PCSK6: variants seen among roughly 807,000 people sequenced by gnomAD.
PCSK6 encodes the protein proprotein convertase subtilisin/kexin type 6, also known as paired basic amino acid cleaving enzyme 4.
PCSK6 carries 85 observed loss-of-function variants against 123.3 expected under a neutral mutation model. That is an observed-to-expected ratio of 0.69 (90% CI 0.58 to 0.83). The LOEUF is 0.83. PCSK6 is among the 40% of genes least tolerant of loss of function. The pLI is 0.00. For missense variants in PCSK6, 1,191 were observed against 1,282.3 expected (o/e 0.93, Z 1.09); for synonymous variants, 508 against 516.0 (o/e 0.98, Z 0.21).
At chr15:101,400,573 G>A (rs1482825916) in intron 6 of PCSK6, among the ~76,000 whole-genome samples, 1 of 152,232 alleles carries the variant, frequency 6.6e-6, no homozygotes, top group Non-Finnish European at 1.5e-5. Flanking sequence ...AGAGCAACAG[G>A]AAGGAGACCC....
At chr15:101,450,676 G>A (rs905846066) in intron 1 of PCSK6, among the ~76,000 whole-genome samples, 8 of 152,202 alleles carry the variant, frequency 5.3e-5, no homozygotes, top group African/African-American at 1.2e-4. Flanking sequence ...TCTGTGTCCA[G>A]CTGTCCAGTG....
rs1488043120 is a variant in PCSK6 at position 101,304,948 on chromosome 15, C to G, written c.*310G>C. The G allele has an allele frequency of 2.5e-5, 8 of 316,986 alleles. No homozygotes were observed. Among genetic ancestry groups the G allele is most frequent in the Middle Eastern group, 9.2e-4 (1 of 1,084 alleles). The allele number at this position is 316,986 out of a possible 1,614,324, so 19.6% of individuals were successfully genotyped here. A position where few individuals can be genotyped will look rare whatever the true frequency, so the allele number is the denominator to read the frequency against. On this transcript the variant is annotated 3_prime_UTR_variant, in exon 22 of 22. Transcript: ENST00000611716. ...CTTTTCTGCTTTGGTCTTGAAGATT[C>G]AGTAAACTTATGGTCCCAGAAGCTG...
At chr15:101,369,107 C>T (rs534586142) in intron 12 of PCSK6, among the ~76,000 whole-genome samples, 8 of 152,224 alleles carry the variant, frequency 5.3e-5, no homozygotes, top group African/African-American at 7.2e-5. Flanking sequence ...TCCAGTGCAC[C>T]GAGGACAAAG....
chr15:101,376,967 AAGGT>A (rs1323569037), intron 11 of PCSK6, among the ~76,000 whole-genome samples: 1 of 152,232 alleles, frequency 6.6e-6, no homozygotes, highest in Admixed American at 6.5e-5. Flanking sequence ...GAGGCTGGGT[AAGGT>A]GAGGAGGGGA....
At chr15:101,473,001 T>C (rs148750351) in intron 1 of PCSK6, among the ~76,000 whole-genome samples, 363 of 152,340 alleles carry the variant, frequency 2.4e-3, no homozygotes, top group African/African-American at 8.4e-3. Flanking sequence ...AATGTGAGCC[T>C]TGTATTGACA....
intron 1 of PCSK6, among the ~76,000 whole-genome samples, chr15:101,485,020 T>C (rs1188479055): frequency 6.6e-6 from 1 of 152,194 alleles, no homozygotes; most frequent in Non-Finnish European, 1.5e-5. Flanking sequence ...ATCGCCAAAT[T>C]GCTCTCCAAA....
intron 13 of PCSK6, among the ~76,000 whole-genome samples, chr15:101,353,078 C>T (rs2040940460): frequency 6.6e-6 from 1 of 152,276 alleles, no homozygotes; most frequent in South Asian, 2.1e-4. Context: ...TCATTGTGTA[C>T]TTTATTTCTA....
intron 13 of PCSK6, among the ~76,000 whole-genome samples, chr15:101,362,237 T>C (rs891970255): frequency 2.0e-5 from 3 of 152,172 alleles, no homozygotes; most frequent in Admixed American, 1.3e-4. Flanking sequence ...ATTACAGGCA[T>C]GAGCCACCAT....
At position 101,357,899 on chromosome 15, in the gene PCSK6, C is replaced by T. The variant is rs112105174; in HGVS notation, c.1858+8297G>A. 7.4e-3 allele frequency among the ~76,000 whole-genome samples: 1,126 copies of T among 152,318 alleles called. 10 individuals carry two copies. The highest frequency in any genetic ancestry group is 0.011 in the Non-Finnish European group (745 of 68,020). ...AGGCCCCCATCCACACTGACGCCTT[C>T]TGTGGGCACCAGAGCATCCTCCCAG... is the stretch of plus-strand genomic sequence containing the variant. On this transcript the variant is annotated intron_variant, in intron 13 of 21. Coordinates refer to ENST00000611716, the MANE Select transcript of PCSK6 (RefSeq NM_002570.5).
chr15:101,484,108 T>A (rs1356974622), intron 1 of PCSK6, among the ~76,000 whole-genome samples: 1 of 152,162 alleles, frequency 6.6e-6, no homozygotes, highest in East Asian at 1.9e-4. Context: ...ACATGTAATA[T>A]ACCCTGATAC....
chr15:101,367,701 T>C (rs1407150155), intron 12 of PCSK6, among the ~76,000 whole-genome samples: 1 of 152,222 alleles, frequency 6.6e-6, no homozygotes, highest in Non-Finnish European at 1.5e-5. Context: ...AGATGTGCAG[T>C]AGGATAGGAG....
intron 2 of PCSK6, among the ~76,000 whole-genome samples, chr15:101,436,519 C>T (rs2056606239): frequency 1.3e-5 from 2 of 152,234 alleles, no homozygotes; most frequent in Admixed American, 1.3e-4. Context: ...GCAAGCCAGA[C>T]CTGACTGTCC....
At chr15:101,335,334 T>G (rs1331118036) in intron 13 of PCSK6, among the ~76,000 whole-genome samples, 4 of 152,216 alleles carry the variant, frequency 2.6e-5, no homozygotes, top group African/African-American at 9.7e-5. Flanking sequence ...AAAAGTTTAA[T>G]GTTTAAAATC....
At chr15:101,342,673 G>T (rs374957278) in intron 13 of PCSK6, among the ~76,000 whole-genome samples, 1 of 152,162 alleles carries the variant, frequency 6.6e-6, no homozygotes, top group Non-Finnish European at 1.5e-5. Flanking sequence ...AGGCTGAGGC[G>T]GGTGGATCAT....
At chr15:101,353,200 G>A (rs2040944729) in intron 13 of PCSK6, among the ~76,000 whole-genome samples, 2 of 152,042 alleles carry the variant, frequency 1.3e-5, no homozygotes, top group African/African-American at 4.8e-5. Flanking sequence ...GTCTGGGGGT[G>A]ATGGGAGACA....
intron 1 of PCSK6, among the ~76,000 whole-genome samples, chr15:101,460,387 C>T (rs1207534764): frequency 6.6e-6 from 1 of 152,232 alleles, no homozygotes; most frequent in Non-Finnish European, 1.5e-5. Flanking sequence ...TGCCTACCTC[C>T]ATCAAGCCAA....
chr15:101,433,500 G>A (rs901397363), intron 2 of PCSK6, among the ~76,000 whole-genome samples: 5 of 152,204 alleles, frequency 3.3e-5, no homozygotes, highest in Non-Finnish European at 7.3e-5. Flanking sequence ...TGGGCGCCAG[G>A]GCCGTGCTCT....
intron 11 of PCSK6, among the ~76,000 whole-genome samples, chr15:101,373,111 T>C (rs564782798): frequency 2.6e-5 from 4 of 152,036 alleles, no homozygotes; most frequent in Admixed American, 2.0e-4. Context: ...AGTATGAAAG[T>C]CTCTTGCATC....
At chr15:101,434,780 G>A (rs370832058) in intron 2 of PCSK6, among the ~76,000 whole-genome samples, 1 of 138,780 alleles carries the variant, frequency 7.2e-6, no homozygotes, top group Non-Finnish European at 1.5e-5. Flanking sequence ...CAGACAGCGC[G>A]GTGGCAGAGG....
Sources: gnomAD v4.1 joint callset for allele counts (sites outside exome capture counted in the v4.1 genomes callset) on GRCh38, gnomAD v4.1.1 for gene constraint, MANE v1.5 for transcripts, NCBI Gene and HGNC (gene_info 2026-07-23, HGNC 2026-07-21) for gene names.